Variants in NRG3 observed in about 807,000 individuals in gnomAD.
The protein encoded by NRG3 is neuregulin 3, also known as pro-neuregulin-3, membrane-bound isoform.
NRG3 carries 31 observed loss-of-function variants against 66.9 expected under a neutral mutation model. That is an observed-to-expected ratio of 0.46 (90% CI 0.35 to 0.63). The LOEUF (loss-of-function observed/expected upper bound fraction) is 0.63, where lower values mean the gene tolerates loss of function less well. Ranked by LOEUF, NRG3 falls within the 20% of genes least tolerant of loss-of-function variation. NRG3 has a pLI of 0.00. For synonymous variants in NRG3, 393 were observed against 359.4 expected (o/e 1.09, Z -1.06); for missense variants, 910 against 878.9 (o/e 1.04, Z -0.45).
intron 1 of NRG3, among the ~76,000 whole-genome samples, chr10:82,139,730 T>G (rs915512051): frequency 2.6e-5 from 4 of 152,154 alleles, no homozygotes; most frequent in African/African-American, 7.2e-5. Flanking sequence ...CTTTTTTCCC[T>G]GGAAAATTAT....
intron 1 of NRG3, among the ~76,000 whole-genome samples, chr10:81,940,714 G>A (rs1848338584): frequency 6.6e-6 from 1 of 151,976 alleles, no homozygotes; most frequent in African/African-American, 2.4e-5. Context: ...ATGCAAAAAG[G>A]CTGGAAAATG....
At chr10:82,672,895 A>G (rs755119694) in intron 2 of NRG3, among the ~76,000 whole-genome samples, 26 of 152,076 alleles carry the variant, frequency 1.7e-4, no homozygotes, top group Non-Finnish European at 2.4e-4. Flanking sequence ...GATTACAGGC[A>G]TGCACCACCA....
At chr10:82,409,755 G>C (rs1255746746) in intron 2 of NRG3, among the ~76,000 whole-genome samples, 3 of 152,002 alleles carry the variant, frequency 2.0e-5, no homozygotes, top group Admixed American at 6.6e-5. Flanking sequence ...TTCTCTCTTG[G>C]GATCCCTCAC....
intron 1 of NRG3, among the ~76,000 whole-genome samples, chr10:82,053,554 T>C (rs1373996018): frequency 6.6e-6 from 1 of 152,214 alleles, no homozygotes; most frequent in Non-Finnish European, 1.5e-5. Context: ...TTGGATGCAC[T>C]GGGCATTGGG....
At chr10:82,823,888 G>T (rs896480591) in intron 3 of NRG3, among the ~76,000 whole-genome samples, 5 of 151,910 alleles carry the variant, frequency 3.3e-5, no homozygotes, top group African/African-American at 1.2e-4. Flanking sequence ...ATAAAATTTG[G>T]TAGTTTTTTA....
chr10:82,683,011 T>G (rs968436468), intron 2 of NRG3, among the ~76,000 whole-genome samples: 5 of 128,112 alleles, frequency 3.9e-5, no homozygotes, highest in Non-Finnish European at 6.3e-5. Context: ...CAGGCTGGAG[T>G]GCAGTGGCAC....
chr10:82,197,760 A>T (rs1382746174), intron 1 of NRG3, among the ~76,000 whole-genome samples: 2 of 152,156 alleles, frequency 1.3e-5, no homozygotes, highest in African/African-American at 4.8e-5. Flanking sequence ...AACTTAATTG[A>T]TTCCTGATAA....
intron 1 of NRG3, among the ~76,000 whole-genome samples, chr10:81,891,115 A>G (rs1842972617): frequency 6.6e-6 from 1 of 152,238 alleles, no homozygotes; most frequent in Non-Finnish European, 1.5e-5. Context: ...ATCTTCAATT[A>G]TCAGTAACGT....
intron 1 of NRG3, among the ~76,000 whole-genome samples, chr10:82,326,800 G>T (rs1286740081): frequency 1.3e-5 from 2 of 152,028 alleles, no homozygotes; most frequent in East Asian, 3.9e-4. Context: ...CTACATTTTG[G>T]CCAGGACTGG....
intron 2 of NRG3, among the ~76,000 whole-genome samples, chr10:82,410,297 T>A (rs2087962639): frequency 6.6e-6 from 1 of 151,796 alleles, no homozygotes; most frequent in Non-Finnish European, 1.5e-5. Flanking sequence ...ATTCTAAACA[T>A]AATATAATGG....
At chr10:82,256,106 T>C (rs1311032124) in intron 1 of NRG3, among the ~76,000 whole-genome samples, 2 of 152,074 alleles carry the variant, frequency 1.3e-5, no homozygotes, top group African/African-American at 4.8e-5. Flanking sequence ...GTATTTCTAG[T>C]AGAGATGGGG....
At chr10:82,348,974 T>A (rs930422295) in intron 1 of NRG3, among the ~76,000 whole-genome samples, 10 of 150,796 alleles carry the variant, frequency 6.6e-5, no homozygotes, top group African/African-American at 2.2e-4. Context: ...TTCTTCTAAA[T>A]TTTTTTCAAA....
intron 1 of NRG3, among the ~76,000 whole-genome samples, chr10:82,181,810 ATCT>A (rs1157576510): frequency 2.6e-5 from 4 of 151,614 alleles, no homozygotes; most frequent in Admixed American, 6.6e-5. Context: ...TTCCTTATTG[ATCT>A]TCTGTCTGAA....
At chr10:82,737,393 A>G (rs1317738157) in intron 2 of NRG3, among the ~76,000 whole-genome samples, 1 of 152,204 alleles carries the variant, frequency 6.6e-6, no homozygotes, top group East Asian at 1.9e-4. Context: ...CTTATTTAAT[A>G]GCTTATTACA....
intron 3 of NRG3, among the ~76,000 whole-genome samples, chr10:82,842,096 C>G (rs995045437): frequency 8.5e-5 from 13 of 152,134 alleles, no homozygotes; most frequent in African/African-American, 3.1e-4. Context: ...ACTAAAAATA[C>G]AAAAATTTTC....
At chr10:82,830,066 T>G (rs1210498241) in intron 3 of NRG3, among the ~76,000 whole-genome samples, 1 of 152,224 alleles carries the variant, frequency 6.6e-6, no homozygotes, top group Non-Finnish European at 1.5e-5. Flanking sequence ...AAGGCCGACA[T>G]TAATGTTAAC....
At chr10:81,935,104 G>C (rs1414975812) in intron 1 of NRG3, among the ~76,000 whole-genome samples, 1 of 152,212 alleles carries the variant, frequency 6.6e-6, no homozygotes, top group Non-Finnish European at 1.5e-5. Flanking sequence ...AAGATTCCCA[G>C]AGACTGCTAT....
chr10:82,050,264 A>G (rs1031763080), intron 1 of NRG3, among the ~76,000 whole-genome samples: 1 of 152,056 alleles, frequency 6.6e-6, no homozygotes, highest in African/African-American at 2.4e-5. Flanking sequence ...CTGTTTAATT[A>G]TAGATTGGTG....
intron 4 of NRG3, among the ~76,000 whole-genome samples, chr10:82,931,821 C>T (rs1047479820): frequency 2.6e-5 from 4 of 152,110 alleles, no homozygotes; most frequent in Admixed American, 6.5e-5. Flanking sequence ...TTTCAGCTTC[C>T]TCAGGTGTGG....
Sources: allele counts gnomAD v4.1 joint callset (sites outside exome capture counted in the v4.1 genomes callset), GRCh38; gene constraint gnomAD v4.1.1; transcripts MANE v1.5; gene names NCBI Gene and HGNC (gene_info 2026-07-23, HGNC 2026-07-21).